Variants in JAML observed in about 807,000 individuals in gnomAD.
JAML encodes the protein junctional adhesion molecule-like.
JAML carries 25 observed loss-of-function variants against 39.3 expected under a neutral mutation model. That is an observed-to-expected ratio of 0.64 (90% CI 0.46 to 0.89). The LOEUF is 0.89. Among genes scored for constraint, JAML ranks in the 40% least tolerant of loss-of-function variants. JAML has a pLI of 0.00. For synonymous variants in JAML, 162 were observed against 179.2 expected (o/e 0.90, Z 0.77); for missense variants, 440 against 486.9 (o/e 0.90, Z 0.91).
At chr11:118,213,190 C>T in intron 2 of JAML, 1 of 1,371,376 alleles carries the variant, frequency 7.3e-7, no homozygotes, top group Non-Finnish European at 9.4e-7. Context: ...ACAGGGACCC[C>T]TGCCCATTAT....
chr11:118,203,317 G>T, intron 6 of JAML, 111 bp downstream of exon 6: 1 of 955,552 alleles, frequency 1.0e-6, no homozygotes, highest in Non-Finnish European at 1.7e-6. Flanking sequence ...CACCTGAGAG[G>T]GATGCCTCCT....
intron 4 of JAML, among the ~76,000 whole-genome samples, chr11:118,208,453 G>A (rs1948968619): frequency 6.6e-6 from 1 of 152,230 alleles, no homozygotes. Flanking sequence ...TTCCACAAAT[G>A]CTTATTAATT....
intron 3 of JAML, among the ~76,000 whole-genome samples, chr11:118,211,673 T>G (rs1364786925): frequency 2.0e-5 from 3 of 152,226 alleles, no homozygotes; most frequent in Non-Finnish European, 2.9e-5. Flanking sequence ...AAAAACAATA[T>G]TTTGTTTGCA....
chr11:118,203,560 G>C lies in JAML; in HGVS notation c.640C>G (p.Arg214Gly). ...NRVNLVGDIF[R>G]NDGSIMLQGV... ...TGAAGCATGATGGAACCGTCATTGC[G>C]GAAAATGTCCCCCACCAGGTTCACA... Residue 214 changes from arginine (R) to glycine (G), a missense_variant, in exon 6 of 10, where the codon CGC becomes GGC. Coordinates refer to ENST00000356289, the MANE Select transcript of JAML (RefSeq NM_001098526.2). The C allele has an allele frequency of 6.2e-7, 1 of 1,614,136 alleles. No homozygotes were observed. Among genetic ancestry groups the C allele is most frequent in the Non-Finnish European group, 8.5e-7 (1 of 1,180,026 alleles).
Position 118,194,423 on chromosome 11 carries a change from G to A in JAML, c.1093-6C>T, listed in dbSNP as rs775189590. The A allele has an allele frequency of 1.2e-6, 2 of 1,613,220 alleles. No homozygotes were observed. Among genetic ancestry groups the A allele is most frequent in the South Asian group, 2.2e-5 (2 of 91,046 alleles). ...AGAGAAGGCCAAACTGGGTGCTGTG[G>A]GGGAAGGGCAGAAAGAAACAAAACA... On this transcript the variant is annotated splice_polypyrimidine_tract_variant and splice_region_variant and intron_variant, in intron 9 of 9. Transcript: ENST00000356289.
intron 2 of JAML, among the ~76,000 whole-genome samples, chr11:118,213,904 C>A (rs1949106176): frequency 6.6e-6 from 1 of 152,124 alleles, no homozygotes; most frequent in Non-Finnish European, 1.5e-5. Context: ...ATCATTATAA[C>A]CCTGCTTCTT....
In JAML at chr11:118,194,438, G is replaced by T. The variant is rs192635324; in HGVS notation, c.1093-21C>A. ...GGGTGCTGTGGGGGAAGGGCAGAAA[G>T]AAACAAAACATGCTTGTAAGAAGTA... On this transcript the variant is annotated intron_variant, in intron 9 of 9. Transcript: ENST00000356289. 81 of 1,591,886 alleles carry T rather than the reference G, an allele frequency of 5.1e-5. 1 individual carries two copies. In the South Asian group the frequency reaches 7.8e-4, roughly 15 times the overall value.
At chr11:118,208,606 G>A (rs940033674) in intron 4 of JAML, among the ~76,000 whole-genome samples, 2 of 152,232 alleles carry the variant, frequency 1.3e-5, no homozygotes, top group African/African-American at 2.4e-5. Flanking sequence ...TAAGCTAGCT[G>A]CAGGCGGGAA....
rs770101901 is a variant in JAML at position 118,210,510 on chromosome 11, T to C, written c.401A>G (p.His134Arg). The C allele has an allele frequency of 1.2e-6, 2 of 1,614,112 alleles. No homozygotes were observed. The highest frequency in any genetic ancestry group is 2.2e-5 in the South Asian group (2 of 91,080). The part of the protein sequence containing the change: ...SQVFKKAVVL[H>R]VLPEEPKELM... The stretch of plus-strand genomic sequence containing the variant: ...ACCTTTGGGCTCCTCTGGAAGCACA[T>C]GCAGTACCACCGCCTTCTTGAACAC... The change falls in exon 4 of 10, where the codon CAT becomes CGT. Residue 134 changes from histidine to arginine, a missense_variant. Transcript: ENST00000356289.
intron 3 of JAML, 125 bp downstream of exon 3, chr11:118,212,282 A>C: frequency 5.7e-6 from 7 of 1,224,832 alleles, no homozygotes; most frequent in Non-Finnish European, 7.8e-6. Context: ...CAGTTCTGAT[A>C]ATCTCCAAAG....
intron 1 of JAML, among the ~76,000 whole-genome samples, chr11:118,224,356 C>A (rs1034113122): frequency 2.6e-5 from 4 of 152,122 alleles, no homozygotes; most frequent in Non-Finnish European, 5.9e-5. Flanking sequence ...GCCTAGCTTT[C>A]TTGGGAGATT....
At chr11:118,205,848 C>T (rs1948904258) in intron 5 of JAML, 34 bp downstream of exon 5, 1 of 1,582,038 alleles carries the variant, frequency 6.3e-7, no homozygotes, top group East Asian at 2.2e-5. Flanking sequence ...CAGCCAGAGC[C>T]TTCTCTAACA....
chr11:118,212,609 C>T (rs1949085303), intron 2 of JAML, 48 bp from the exon 3 acceptor site: 1 of 1,598,404 alleles, frequency 6.3e-7, no homozygotes, highest in Non-Finnish European at 8.5e-7. Context: ...CAAATACTCT[C>T]AACAACAAAA....
intron 2 of JAML, chr11:118,212,768 C>G (rs1190534062): frequency 6.3e-7 from 1 of 1,579,742 alleles, no homozygotes; most frequent in Non-Finnish European, 8.6e-7. Flanking sequence ...AATCTTCATA[C>G]TACAATAAAT....
Position 118,221,978 on chromosome 11 carries a change from A to G in JAML, c.-21+2963T>C, listed in dbSNP as rs574986542. On this transcript the variant is annotated intron_variant, in intron 1 of 9. Transcript: ENST00000356289. ...GAGGTTACCTTTAGGTAAAGATTCA[A>G]AAGCCAGAAATATTGGCCATTTGTC... Among the ~76,000 whole-genome samples the G allele has an allele frequency of 2.0e-5, 3 of 152,366 alleles. No individual in the cohort carries two copies. The East Asian group carries it at 5.8e-4, about 29-fold the overall frequency.
At chr11:118,210,750 G>T (rs542073893) in intron 3 of JAML, 38 bp from the exon 4 acceptor site, 2 of 1,564,696 alleles carry the variant, frequency 1.3e-6, no homozygotes. Flanking sequence ...ATCAAAAGAG[G>T]TGCCAGACCG....
intron 1 of JAML, among the ~76,000 whole-genome samples, chr11:118,215,101 A>AT (rs1949122923): frequency 6.6e-6 from 1 of 152,204 alleles, no homozygotes; most frequent in Non-Finnish European, 1.5e-5. Context: ...ATGAATAAGA[A>AT]AATACCAGAT....
At chr11:118,197,944 A>C (rs1163626276) in intron 8 of JAML, 54 bp downstream of exon 8, 1 of 1,523,824 alleles carries the variant, frequency 6.6e-7, no homozygotes, top group African/African-American at 1.4e-5. Context: ...CGGGGGTATG[A>C]GAACGGCCCA....
intron 1 of JAML, among the ~76,000 whole-genome samples, chr11:118,215,783 T>C (rs1339981290): frequency 1.3e-5 from 2 of 152,174 alleles, no homozygotes; most frequent in Non-Finnish European, 2.9e-5. Context: ...TTCATTTCAT[T>C]GCATTTACCA....
Sources: allele counts gnomAD v4.1 joint callset (sites outside exome capture counted in the v4.1 genomes callset), GRCh38; gene constraint gnomAD v4.1.1; transcripts MANE v1.5; gene names NCBI Gene and HGNC (gene_info 2026-07-23, HGNC 2026-07-21).